HDAC9: variants seen among roughly 807,000 people sequenced by gnomAD.
HDAC9 encodes the protein MEF-2 interacting transcription repressor (MITR) protein.
Under a neutral mutation model 139.4 loss-of-function variants are expected in HDAC9, and 41 were observed. The observed-to-expected ratio is 0.29, with a 90% CI of 0.23 to 0.38. The LOEUF (loss-of-function observed/expected upper bound fraction) is 0.38. Among genes scored for constraint, HDAC9 ranks in the 10% least tolerant of loss-of-function variants. The pLI, the probability that HDAC9 is intolerant of heterozygous loss-of-function variation, is 1.00. For missense variants in HDAC9, 1,147 were observed against 1,297.0 expected, an observed-to-expected ratio of 0.88 and a Z score of 1.78; for synonymous variants, 517 against 476.2, an observed-to-expected ratio of 1.09 and a Z score of -1.12.
At chr7:18,879,826 TA>T (rs1396917885) in intron 22 of HDAC9, among the ~76,000 whole-genome samples, 1 of 152,128 alleles carries the variant, frequency 6.6e-6, no homozygotes, top group African/African-American at 2.4e-5. Context: ...CTTATTAAGC[TA>T]AATAGCCTCT....
intron 6 of HDAC9, among the ~76,000 whole-genome samples, chr7:18,610,505 T>G (rs1030587189): frequency 7.2e-5 from 11 of 152,280 alleles, no homozygotes; most frequent in African/African-American, 2.4e-4. Flanking sequence ...CAGGACCATC[T>G]CATTCGGACA....
intron 1 of HDAC9, among the ~76,000 whole-genome samples, chr7:18,305,229 C>T (rs1798829751): frequency 6.6e-6 from 1 of 152,130 alleles, no homozygotes; most frequent in Admixed American, 6.6e-5. Context: ...TTTCCATCTT[C>T]ACTCTTGATG....
chr7:18,791,835 CTT>C (rs1037667754), intron 16 of HDAC9, among the ~76,000 whole-genome samples: 1 of 152,146 alleles, frequency 6.6e-6, no homozygotes, highest in African/African-American at 2.4e-5. Context: ...TAGTAGCTAG[CTT>C]TTGTTTACCA....
intron 1 of HDAC9, among the ~76,000 whole-genome samples, chr7:18,339,098 A>G (rs944186316): frequency 1.3e-5 from 2 of 151,504 alleles, no homozygotes; most frequent in Non-Finnish European, 3.0e-5. Flanking sequence ...TAGAATCTGT[A>G]GTGACGTCAT....
intron 17 of HDAC9, among the ~76,000 whole-genome samples, chr7:18,805,402 C>G (rs1275351986): frequency 6.6e-6 from 1 of 152,122 alleles, no homozygotes; most frequent in African/African-American, 2.4e-5. Flanking sequence ...GGCTTGTCAC[C>G]TGGAGAAGAG....
chr7:18,509,302 G>C (rs1430089548), intron 2 of HDAC9: 1 of 985,302 alleles, frequency 1.0e-6, no homozygotes, highest in Non-Finnish European at 1.2e-6. Context: ...TGTGGAAGGG[G>C]TGGGGAAGCC....
intron 1 of HDAC9, among the ~76,000 whole-genome samples, chr7:18,090,002 A>G (rs1303896181): frequency 1.3e-5 from 2 of 152,286 alleles, no homozygotes; most frequent in South Asian, 4.1e-4. Flanking sequence ...TTTGCTTTCA[A>G]TAGACATCAT....
Position 18,254,875 on chromosome 7 carries a change from T to G in HDAC9, c.25+92526T>G, listed in dbSNP as rs1183886885. Among the ~76,000 whole-genome samples the G allele has an allele frequency of 2.0e-5, 3 of 152,182 alleles. No homozygotes were observed. In the East Asian group the frequency reaches 5.8e-4, roughly 29 times the overall value. On this transcript the variant is annotated intron_variant, in intron 2 of 12. Coordinates refer to the HDAC9 transcript ENST00000417496. ...CATTTTATGAGTAGCTCTTTTCAAC[T>G]TCTGTAAAGAAAAACCATGTCATGA...
chr7:18,292,144 G>A (rs570611043), intron 1 of HDAC9, among the ~76,000 whole-genome samples: 1 of 151,920 alleles, frequency 6.6e-6, no homozygotes, highest in Non-Finnish European at 1.5e-5. Flanking sequence ...CATTTATTGA[G>A]CATTTACAAT....
intron 1 of HDAC9, among the ~76,000 whole-genome samples, chr7:18,424,427 A>G (rs1487812329): frequency 6.6e-6 from 1 of 152,212 alleles, no homozygotes; most frequent in African/African-American, 2.4e-5. Flanking sequence ...ATTATAGGAC[A>G]GTCACTGGAC....
chr7:18,795,250 A>G (rs1792682000), intron 17 of HDAC9, among the ~76,000 whole-genome samples: 1 of 128,434 alleles, frequency 7.8e-6, no homozygotes, highest in Non-Finnish European at 1.6e-5. Context: ...AAAAGAAAAG[A>G]AAACAGTAAA....
At chr7:18,908,315 G>T (rs1266302062) in intron 22 of HDAC9, among the ~76,000 whole-genome samples, 1 of 152,018 alleles carries the variant, frequency 6.6e-6, no homozygotes, top group Non-Finnish European at 1.5e-5. Flanking sequence ...TCTCTACAGT[G>T]TGTAATGATT....
At chr7:18,145,168 TG>T (rs938721735) in intron 1 of HDAC9, among the ~76,000 whole-genome samples, 11 of 152,248 alleles carry the variant, frequency 7.2e-5, no homozygotes, top group African/African-American at 2.4e-5. Flanking sequence ...ACAATTGATA[TG>T]GACTATATGT....
chr7:18,259,309 C>T (rs1290832988), intron 2 of HDAC9, among the ~76,000 whole-genome samples: 1 of 152,062 alleles, frequency 6.6e-6, no homozygotes, highest in Non-Finnish European at 1.5e-5. Flanking sequence ...GCCATGATTG[C>T]AGTCCCCTGC....
intron 2 of HDAC9, among the ~76,000 whole-genome samples, chr7:18,220,739 T>C (rs968006889): frequency 2.8e-4 from 42 of 152,132 alleles, no homozygotes; most frequent in African/African-American, 9.9e-4. Flanking sequence ...AGACCATCAG[T>C]TGAAAGGTTT....
rs1475615663 is a variant in HDAC9, at chr7:18,092,403, T to C, written c.-97+5190T>C. On this transcript the variant is annotated intron_variant, in intron 1 of 12. Transcript: ENST00000417496. ...AGACCCTATTTTTCTTTCTTTCTTTTTTTTTTTTTAAAAAAAAGAACCTCT... is the reference window on the plus strand; with the variant it reads ...AGACCCTATTTTTCTTTCTTTCTTTCTTTTTTTTTAAAAAAAAGAACCTCT... 6.0e-5 allele frequency among the ~76,000 whole-genome samples: 9 copies of C among 150,376 alleles called. 1 individual carries two copies. The highest frequency in any genetic ancestry group is 6.8e-3 in the Middle Eastern group (2 of 294).
intron 17 of HDAC9, among the ~76,000 whole-genome samples, chr7:18,806,163 A>C (rs1425993822): frequency 6.6e-6 from 1 of 152,232 alleles, no homozygotes; most frequent in African/African-American, 2.4e-5. Flanking sequence ...GGCTTGGAGA[A>C]GAATAATCCC....
chr7:18,678,117 G>C (rs565025251), intron 12 of HDAC9, among the ~76,000 whole-genome samples: 7 of 151,944 alleles, frequency 4.6e-5, no homozygotes, highest in African/African-American at 1.7e-4. Context: ...ACATATAAAT[G>C]TTAGCAGATT....
chr7:18,878,742 A>C (rs1406514815), intron 22 of HDAC9, among the ~76,000 whole-genome samples: 1 of 152,020 alleles, frequency 6.6e-6, no homozygotes, highest in Non-Finnish European at 1.5e-5. Context: ...TCCCCTTGAA[A>C]ACTGGCATAA....
Sources: allele counts gnomAD v4.1 joint callset (sites outside exome capture counted in the v4.1 genomes callset), GRCh38; gene constraint gnomAD v4.1.1; transcripts MANE v1.5; gene names NCBI Gene and HGNC (gene_info 2026-07-23, HGNC 2026-07-21).